Variants in AFF1 observed in about 807,000 individuals in gnomAD.
AFF1 encodes the protein AF4/FMR2 family member 1.
A neutral mutation model predicts 121.7 loss-of-function variants in AFF1; 48 were observed. That is an observed-to-expected ratio of 0.39 (90% CI 0.31 to 0.50). AFF1 has a LOEUF of 0.50. AFF1 is among the 20% of genes least tolerant of loss of function. AFF1 has a pLI of 0.76. For synonymous variants in AFF1, 613 were observed against 563.0 expected, an observed-to-expected ratio of 1.09 and a Z score of -1.26; for missense variants, 1,523 against 1,511.7, an observed-to-expected ratio of 1.01 and a Z score of -0.12.
chr4:87,063,500 A>G (rs1007072251), intron 4 of AFF1, among the ~76,000 whole-genome samples: 2 of 151,900 alleles, frequency 1.3e-5, no homozygotes, highest in African/African-American at 4.8e-5. Flanking sequence ...CGGCCTCCCA[A>G]AGTGCTGGGA....
chr4:87,000,613 G>GTGTGTGTGTGTC (rs1725624425), intron 2 of AFF1, among the ~76,000 whole-genome samples: 1 of 83,484 alleles, frequency 1.2e-5, no homozygotes, highest in Non-Finnish European at 2.3e-5. Context: ...CTCTGTGTGT[G>GTGTGTGTGTGTC]TGTGTGTGTG....
At chr4:86,979,266 T>G (rs1723544391) in intron 2 of AFF1, among the ~76,000 whole-genome samples, 6 of 152,092 alleles carry the variant, frequency 3.9e-5, no homozygotes, top group Admixed American at 3.9e-4. Flanking sequence ...CCCGGCTGAA[T>G]TTTGTAATTT....
In AFF1 at chr4:87,067,305, C is replaced by T. The variant is rs187745334; in HGVS notation, c.1060-16815C>T. Reference sequence around the variant, plus strand: ...GCAACAAGCTTAATAGTTGGAGAATCTTGCTCATAAGCACCTACCCTGCAC... The same window carrying T: ...GCAACAAGCTTAATAGTTGGAGAATTTTGCTCATAAGCACCTACCCTGCAC... On this transcript the variant is annotated intron_variant, in intron 4 of 20. Transcript: ENST00000395146. Among the ~76,000 whole-genome samples, 60 of 152,324 alleles carry T rather than the reference C, an allele frequency of 3.9e-4. 2 individuals are homozygous for T. The South Asian group carries it at 0.011, about 27-fold the overall frequency.
At chr4:87,127,581 C>A in intron 15 of AFF1, 62 bp from the exon 16 acceptor site, 1 of 1,516,832 alleles carries the variant, frequency 6.6e-7, no homozygotes, top group Non-Finnish European at 9.2e-7. Flanking sequence ...TTGGTCTTAT[C>A]TTGCCCTAGT....
At chr4:86,966,555 T>G (rs2149474314) in intron 2 of AFF1, among the ~76,000 whole-genome samples, 1 of 151,186 alleles carries the variant, frequency 6.6e-6, no homozygotes, top group East Asian at 1.9e-4. Context: ...ATATTGTGTA[T>G]ATTTTGAAGA....
intron 2 of AFF1, among the ~76,000 whole-genome samples, chr4:86,971,747 G>C (rs554776227): frequency 6.6e-6 from 1 of 152,200 alleles, no homozygotes; most frequent in Admixed American, 6.5e-5. Context: ...GTTGCAAGAT[G>C]ATGTGGAAGT....
chr4:86,975,739 A>T (rs1723255105), intron 2 of AFF1, among the ~76,000 whole-genome samples: 1 of 152,236 alleles, frequency 6.6e-6, no homozygotes, highest in African/African-American at 2.4e-5. Context: ...TTGAAAATAC[A>T]GTGACAAATA....
At chr4:87,036,968 A>G (rs577366475) in intron 2 of AFF1, among the ~76,000 whole-genome samples, 1 of 151,854 alleles carries the variant, frequency 6.6e-6, no homozygotes, top group East Asian at 2.0e-4. Context: ...AGTAGTTGGG[A>G]CTACAGGAGT....
chr4:87,078,861 G>T (rs1263514979), intron 4 of AFF1, among the ~76,000 whole-genome samples: 2 of 152,080 alleles, frequency 1.3e-5, no homozygotes, highest in African/African-American at 4.8e-5. Flanking sequence ...GTTAAAGAAT[G>T]CCTTGATAAT....
Position 87,115,609 on chromosome 4 carries a change from C to CTTTTTTTTTTTTTTTT in AFF1, c.2466+311_2466+326dup, listed in dbSNP as rs71660115. 1.4e-3 allele frequency among the ~76,000 whole-genome samples: 58 copies of CTTTTTTTTTTTTTTTT among 40,656 alleles called. 7 individuals carry two copies. The highest frequency in any genetic ancestry group is 3.7e-3 in the African/African-American group (46 of 12,386). The allele number at this position is 40,656 out of a possible 152,430, so 26.7% of individuals were successfully genotyped here. ...ATCTAGGGCCGCCCCCAACCCACCT[C>CTTTTTTTTTTTTTTTT]TTTTTTTTTTTTTTTTCCAAAGACA... On this transcript the variant is annotated intron_variant, in intron 12 of 20. Transcript: ENST00000395146.
At chr4:87,070,511 C>T (rs1330273944) in intron 4 of AFF1, among the ~76,000 whole-genome samples, 1 of 152,224 alleles carries the variant, frequency 6.6e-6, no homozygotes, top group African/African-American at 2.4e-5. Flanking sequence ...TAAAAATCTT[C>T]CTGAAGTAAA....
intron 8 of AFF1, among the ~76,000 whole-genome samples, chr4:87,096,391 T>C (rs1199397088): frequency 2.0e-5 from 2 of 101,412 alleles, no homozygotes; most frequent in Non-Finnish European, 3.7e-5. Flanking sequence ...CACACCCGGC[T>C]TTTTTTTTTT....
chr4:87,094,988 G>A lies in AFF1; in HGVS notation c.1283+19G>A, dbSNP rs1724683552. On this transcript the variant is annotated intron_variant, in intron 8 of 20. Coordinates refer to ENST00000395146, the MANE Select transcript of AFF1 (RefSeq NM_001166693.3). ...CGTCATCGTAAGTGAAATGCTTTTT[G>A]TGTATTAAAATTTTGTAGTATGAAA... 1 of 1,608,400 alleles carries A rather than the reference G, an allele frequency of 6.2e-7. No individual in the cohort carries two copies. Among genetic ancestry groups the A allele is most frequent in the African/African-American group, 1.3e-5 (1 of 74,900 alleles).
At chr4:87,079,981 A>G (rs1185562268) in intron 4 of AFF1, among the ~76,000 whole-genome samples, 1 of 152,204 alleles carries the variant, frequency 6.6e-6, no homozygotes, top group Non-Finnish European at 1.5e-5. Flanking sequence ...AGGTGATAAT[A>G]ACATAGAAAG....
intron 12 of AFF1, among the ~76,000 whole-genome samples, chr4:87,115,513 A>G (rs577976576): frequency 4.0e-4 from 60 of 151,266 alleles, no homozygotes; most frequent in Admixed American, 1.4e-3. Context: ...ATGTCCTTCC[A>G]TCGGTCTTGC....
At chr4:87,101,185 G>T (rs1435654093) in intron 8 of AFF1, among the ~76,000 whole-genome samples, 1 of 152,142 alleles carries the variant, frequency 6.6e-6, no homozygotes, top group Non-Finnish European at 1.5e-5. Context: ...CGTTTAGCCT[G>T]CTTCGTAATT....
At chr4:87,090,461 G>T (rs573977109) in intron 6 of AFF1, among the ~76,000 whole-genome samples, 2 of 152,274 alleles carry the variant, frequency 1.3e-5, no homozygotes, top group African/African-American at 4.8e-5. Context: ...AATGTGATCA[G>T]TTACACTAGT....
intron 2 of AFF1, among the ~76,000 whole-genome samples, chr4:86,997,926 G>A (rs1285261350): frequency 6.6e-6 from 1 of 151,694 alleles, no homozygotes; most frequent in Non-Finnish European, 1.5e-5. Context: ...GAGAAACCTC[G>A]TCTCTACTAA....
intron 8 of AFF1, among the ~76,000 whole-genome samples, chr4:87,101,584 GA>G (rs57043448): frequency 2.7e-5 from 4 of 148,678 alleles, no homozygotes; most frequent in South Asian, 2.1e-4. Context: ...GTCTGAAAAA[GA>G]AAAAAAAAAA....
Sources: gnomAD v4.1 joint callset for allele counts (sites outside exome capture counted in the v4.1 genomes callset) on GRCh38, gnomAD v4.1.1 for gene constraint, MANE v1.5 for transcripts, NCBI Gene and HGNC (gene_info 2026-07-23, HGNC 2026-07-21) for gene names.